NCAM2: variants seen among roughly 807,000 people sequenced by gnomAD.
NCAM2 encodes N-CAM-2.
Under a neutral mutation model 98.1 loss-of-function variants are expected in NCAM2, and 30 were observed. The ratio of observed to expected loss-of-function variants is 0.31; its 90% confidence interval spans 0.23 to 0.41. NCAM2 has a LOEUF of 0.41. NCAM2 is among the 10% of genes least tolerant of loss of function. The probability of loss-of-function intolerance (pLI) is 1.00; values close to 1 mark genes in which losing one functional copy is unlikely to be tolerated. For missense variants in NCAM2, 867 were observed against 1,005.8 expected (o/e 0.86, Z 1.87); for synonymous variants, 368 against 342.4 (o/e 1.07, Z -0.83).
intron 9 of NCAM2, among the ~76,000 whole-genome samples, chr21:21,391,922 T>C (rs1345727599): frequency 1.3e-5 from 2 of 149,852 alleles, no homozygotes; most frequent in Non-Finnish European, 3.0e-5. Context: ...TTCAGTCTAA[T>C]GCCAAAAAAA....
At chr21:21,512,584 T>C (rs1988457252) in intron 16 of NCAM2, among the ~76,000 whole-genome samples, 1 of 152,074 alleles carries the variant, frequency 6.6e-6, no homozygotes, top group Non-Finnish European at 1.5e-5. Context: ...CTTTTGTGTT[T>C]CCATATACAT....
chr21:21,499,330 C>G (rs1369359736), intron 15 of NCAM2, among the ~76,000 whole-genome samples: 1 of 152,162 alleles, frequency 6.6e-6, no homozygotes, highest in Non-Finnish European at 1.5e-5. Flanking sequence ...CAACCTCCAG[C>G]TCCCAGGTTC....
chr21:21,056,425 A>G (rs1031976258), intron 1 of NCAM2, among the ~76,000 whole-genome samples: 1 of 151,742 alleles, frequency 6.6e-6, no homozygotes, highest in Non-Finnish European at 1.5e-5. Flanking sequence ...AGTTGCAAAA[A>G]TTCTTCCAGA....
intron 12 of NCAM2, among the ~76,000 whole-genome samples, chr21:21,439,952 C>T (rs1008031121): frequency 2.6e-5 from 4 of 152,112 alleles, no homozygotes; most frequent in Non-Finnish European, 5.9e-5. Context: ...AATGAAACTT[C>T]CCAAATCTCT....
intron 1 of NCAM2, among the ~76,000 whole-genome samples, chr21:21,206,436 T>G (rs185571078): frequency 2.0e-4 from 30 of 152,254 alleles, no homozygotes; most frequent in African/African-American, 7.2e-4. Context: ...ACCTAATTAT[T>G]CTAAACTAAT....
intron 8 of NCAM2, among the ~76,000 whole-genome samples, chr21:21,362,827 G>A (rs2075683187): frequency 6.6e-6 from 1 of 152,094 alleles, no homozygotes; most frequent in South Asian, 2.1e-4. Context: ...CTATGAATAT[G>A]TTTAGGTTAA....
At chr21:21,486,021 C>G (rs975643040) in intron 15 of NCAM2, among the ~76,000 whole-genome samples, 1 of 151,850 alleles carries the variant, frequency 6.6e-6, no homozygotes, top group Non-Finnish European at 1.5e-5. Flanking sequence ...CACTTCTGGC[C>G]GGCTGGGCGC....
intron 1 of NCAM2, among the ~76,000 whole-genome samples, chr21:21,085,472 GTC>G (rs1419414563): frequency 6.6e-6 from 1 of 152,038 alleles, no homozygotes; most frequent in Non-Finnish European, 1.5e-5. Context: ...CCATGTTGCT[GTC>G]TCATGCTCGT....
chr21:21,394,856 A>C (rs1055322514), intron 9 of NCAM2, among the ~76,000 whole-genome samples: 1 of 152,180 alleles, frequency 6.6e-6, no homozygotes, highest in Admixed American at 6.5e-5. Flanking sequence ...GTCTTTAGAA[A>C]TATCAAACAA....
chr21:21,366,080 T>C (rs1328715216), intron 8 of NCAM2, among the ~76,000 whole-genome samples: 1 of 152,008 alleles, frequency 6.6e-6, no homozygotes, highest in Non-Finnish European at 1.5e-5. Flanking sequence ...TTTGTTCTGG[T>C]AGATAGAGCA....
At chr21:21,389,058 C>T (rs1447522943) in intron 9 of NCAM2, among the ~76,000 whole-genome samples, 2 of 152,152 alleles carry the variant, frequency 1.3e-5, no homozygotes, top group African/African-American at 2.4e-5. Flanking sequence ...GTTATCATTT[C>T]TTTGTGTTGA....
chr21:21,475,793 C>A (rs533868291), intron 14 of NCAM2, among the ~76,000 whole-genome samples: 1 of 152,196 alleles, frequency 6.6e-6, no homozygotes, highest in African/African-American at 2.4e-5. Flanking sequence ...CTAATATCTT[C>A]ATTTTTACAC....
chr21:21,502,407 C>T (rs1987695939), intron 15 of NCAM2, among the ~76,000 whole-genome samples: 1 of 151,764 alleles, frequency 6.6e-6, no homozygotes, highest in Admixed American at 6.6e-5. Context: ...CATAAGATTC[C>T]ACAAAAGTAT....
intron 1 of NCAM2, among the ~76,000 whole-genome samples, chr21:21,253,274 A>C (rs1194316565): frequency 2.0e-5 from 3 of 152,210 alleles, no homozygotes; most frequent in Non-Finnish European, 4.4e-5. Flanking sequence ...TCATTTTGGT[A>C]ATTTTTAATA....
At chr21:21,459,935 G>A (rs915036145) in intron 12 of NCAM2, among the ~76,000 whole-genome samples, 5 of 151,914 alleles carry the variant, frequency 3.3e-5, no homozygotes, top group African/African-American at 1.2e-4. Flanking sequence ...CATATTAAGT[G>A]TACAAATACA....
At chr21:21,502,915 A>G (rs558934517) in intron 15 of NCAM2, among the ~76,000 whole-genome samples, 48 of 152,100 alleles carry the variant, frequency 3.2e-4, no homozygotes, top group African/African-American at 1.1e-3. Context: ...AAGATGATAC[A>G]TGCACATAGA....
intron 1 of NCAM2, among the ~76,000 whole-genome samples, chr21:21,220,324 G>A (rs916946217): frequency 6.6e-6 from 1 of 151,988 alleles, no homozygotes; most frequent in Non-Finnish European, 1.5e-5. Flanking sequence ...TTTTTGTACT[G>A]TGTTTTACTG....
intron 1 of NCAM2, among the ~76,000 whole-genome samples, chr21:21,279,451 C>G (rs1343370536): frequency 2.0e-5 from 3 of 152,074 alleles, no homozygotes; most frequent in Non-Finnish European, 4.4e-5. Flanking sequence ...CTCCGCCTTC[C>G]AGTTTCAAGC....
At chr21:21,445,610 A>G (rs1193361760) in intron 12 of NCAM2, among the ~76,000 whole-genome samples, 1 of 150,916 alleles carries the variant, frequency 6.6e-6, no homozygotes, top group Non-Finnish European at 1.5e-5. Flanking sequence ...GTATTTTTTG[A>G]TCTTTGTTGG....
Sources: allele counts gnomAD v4.1 joint callset (sites outside exome capture counted in the v4.1 genomes callset), GRCh38; gene constraint gnomAD v4.1.1; transcripts MANE v1.5; gene names NCBI Gene and HGNC (gene_info 2026-07-23, HGNC 2026-07-21).